TMEM114: variants seen among roughly 807,000 people sequenced by gnomAD.
TMEM114 encodes the protein transmembrane protein 114.
Under a neutral mutation model 6.2 loss-of-function variants are expected in TMEM114, and 6 were observed. That is an observed-to-expected ratio of 0.97 (90% CI 0.53 to 1.91). The LOEUF is 1.91. Ranked by LOEUF, TMEM114 falls within the 40% of genes most tolerant of loss-of-function variation. The pLI, the probability that TMEM114 is intolerant of heterozygous loss-of-function variation, is 0.01. For missense variants in TMEM114, 218 were observed against 158.3 expected (o/e 1.38, Z -2.02); for synonymous variants, 104 against 73.0 (o/e 1.42, Z -2.16).
chr16:8,554,162 A>T (rs1179737045), intron 2 of TMEM114, among the ~76,000 whole-genome samples: 1 of 152,118 alleles, frequency 6.6e-6, no homozygotes, highest in Non-Finnish European at 1.5e-5. Flanking sequence ...CTGTAACAGA[A>T]CAATAAGAGA....
chr16:8,587,408 G>A (rs1298798522), intron 2 of TMEM114, among the ~76,000 whole-genome samples: 1 of 152,174 alleles, frequency 6.6e-6, no homozygotes. Flanking sequence ...AATCTAATGA[G>A]GGAGTCAGAT....
intron 2 of TMEM114, among the ~76,000 whole-genome samples, chr16:8,544,994 T>C (rs1203833779): frequency 6.6e-6 from 1 of 152,052 alleles, no homozygotes; most frequent in African/African-American, 2.4e-5. Flanking sequence ...GGCATTGAAA[T>C]GCAGTTTCCA....
intron 2 of TMEM114, among the ~76,000 whole-genome samples, chr16:8,548,185 C>G (rs1596469814): frequency 6.6e-6 from 1 of 152,152 alleles, no homozygotes; most frequent in African/African-American, 2.4e-5. Context: ...GGGACCCTGA[C>G]TGAGCAAGGG....
rs1267086678 is a variant in TMEM114, at chr16:8,589,685, C to A, written c.154G>T (p.Gly52Trp). Reference protein sequence around the residue: ...RTGPGAQDLLGSINRSQPEPL... With the variant: ...RTGPGAQDLLWSINRSQPEPL... ...TCGGGCTGGCTGCGATTGATGGACC[C>A]CAGCAGGTCCTGCGCCCCCGGGCCA... The change falls in exon 1 of 4, where the codon GGG becomes TGG. Residue 52 changes from glycine to tryptophan, a missense_variant. Transcript: ENST00000620492. 7.5e-6 allele frequency: 3 copies of A among 398,586 alleles called. No individual in the cohort carries two copies. Among genetic ancestry groups the A allele is most frequent in the Non-Finnish European group, 1.3e-5 (3 of 226,078 alleles). 24.7% of individuals were successfully genotyped at this position (398,586 alleles called of 1,614,324 possible).
intron 2 of TMEM114, among the ~76,000 whole-genome samples, chr16:8,542,147 G>T (rs1459606662): frequency 6.6e-6 from 1 of 151,780 alleles, no homozygotes; most frequent in Admixed American, 6.6e-5. Flanking sequence ...ATTCGTGGGG[G>T]GGGGTCCCTT....
At chr16:8,555,085 A>G (rs1188676902) in intron 2 of TMEM114, among the ~76,000 whole-genome samples, 1 of 151,900 alleles carries the variant, frequency 6.6e-6, no homozygotes, top group African/African-American at 2.4e-5. Context: ...CTTCACAGTA[A>G]CCTTTGTGGT....
chr16:8,575,724 G>A (rs1293999793), intron 2 of TMEM114, among the ~76,000 whole-genome samples: 3 of 152,180 alleles, frequency 2.0e-5, no homozygotes, highest in East Asian at 1.9e-4. Flanking sequence ...TGAGGAAGAG[G>A]TAAAATGGAC....
intron 2 of TMEM114, among the ~76,000 whole-genome samples, chr16:8,548,342 CAT>C (rs1035363107): frequency 6.6e-5 from 10 of 152,202 alleles, no homozygotes; most frequent in African/African-American, 2.4e-4. Context: ...AATTATAACA[CAT>C]GTTTCTTGAG....
At chr16:8,580,492 A>G (rs994538437) in intron 2 of TMEM114, among the ~76,000 whole-genome samples, 18 of 148,132 alleles carry the variant, frequency 1.2e-4, no homozygotes, top group Admixed American at 2.0e-4. Flanking sequence ...ATCTCAAAAG[A>G]GGTAAAAAAA....
chr16:8,570,402 G>C (rs1302036516), intron 3 of TMEM114, among the ~76,000 whole-genome samples: 1 of 152,100 alleles, frequency 6.6e-6, no homozygotes, highest in African/African-American at 2.4e-5. Flanking sequence ...TGCGATCTCA[G>C]CTTGCTGCAA....
intron 2 of TMEM114, among the ~76,000 whole-genome samples, chr16:8,581,238 T>A (rs901751430): frequency 2.0e-5 from 3 of 152,222 alleles, no homozygotes; most frequent in African/African-American, 7.2e-5. Context: ...TACATCTTAA[T>A]ATATTCTTTT....
At chr16:8,547,384 C>G (rs1345005896) in intron 2 of TMEM114, among the ~76,000 whole-genome samples, 1 of 146,832 alleles carries the variant, frequency 6.8e-6, no homozygotes, top group African/African-American at 2.6e-5. Context: ...TTCTTTCTTT[C>G]TTTCTTTCTT....
chr16:8,532,400 C>A, the TMEM114 span, among the ~76,000 whole-genome samples: 1 of 152,100 alleles, frequency 6.6e-6, no homozygotes, highest in Non-Finnish European at 1.5e-5. Flanking sequence ...AACACTAAAA[C>A]TTCTAGGACT....
intron 2 of TMEM114, among the ~76,000 whole-genome samples, chr16:8,538,152 A>C (rs892567473): frequency 6.6e-6 from 1 of 150,938 alleles, no homozygotes; most frequent in Admixed American, 6.6e-5. Flanking sequence ...AAAAAAAAAA[A>C]AACTTCGCTG....
In TMEM114 at chr16:8,547,878, G is replaced by T. The variant is rs1486966789; in HGVS notation, n.213-10052C>A. Among the ~76,000 whole-genome samples the T allele has an allele frequency of 2.0e-5, 3 of 152,110 alleles. No individual in the cohort carries two copies. The East Asian group carries it at 5.8e-4, about 29-fold the overall frequency. On this transcript the variant is annotated intron_variant and non_coding_transcript_variant, in intron 2 of 2. Coordinates refer to the TMEM114 transcript ENST00000623677. ...CACAGCTGAGAAACCCCTCTTACTT[G>T]CTGGGCTTGGGAGGCCCATCATTCC...
chr16:8,567,801 C>T (rs946516841), downstream of TMEM114, among the ~76,000 whole-genome samples: 5 of 152,170 alleles, frequency 3.3e-5, no homozygotes, highest in African/African-American at 1.2e-4. Flanking sequence ...TGGAGCAGTT[C>T]CACAATACGA....
chr16:8,567,803 AC>A (rs1271026539), downstream of TMEM114, among the ~76,000 whole-genome samples: 1 of 152,196 alleles, frequency 6.6e-6, no homozygotes, highest in East Asian at 1.9e-4. Flanking sequence ...GAGCAGTTCC[AC>A]AATACGACCA....
At chr16:8,578,613 C>G (rs1902024578) in intron 2 of TMEM114, among the ~76,000 whole-genome samples, 1 of 152,158 alleles carries the variant, frequency 6.6e-6, no homozygotes, top group South Asian at 2.1e-4. Flanking sequence ...CCACACAGTA[C>G]CACGTCTTGG....
chr16:8,573,778 C>G (rs1901817920), intron 2 of TMEM114, among the ~76,000 whole-genome samples: 1 of 152,180 alleles, frequency 6.6e-6, no homozygotes, highest in Non-Finnish European at 1.5e-5. Context: ...GTCAAGTGCC[C>G]TTCCTCTGTG....
Sources: gnomAD v4.1 joint callset for allele counts (sites outside exome capture counted in the v4.1 genomes callset) on GRCh38, gnomAD v4.1.1 for gene constraint, MANE v1.5 for transcripts, NCBI Gene and HGNC (gene_info 2026-07-23, HGNC 2026-07-21) for gene names.